Variants in MAML3 observed in about 807,000 individuals in gnomAD.
The protein encoded by MAML3 is mastermind-like protein 3.
In MAML3, 27 loss-of-function variants were observed where a neutral mutation model predicts 101.9. The observed-to-expected ratio is 0.27, with a 90% CI of 0.20 to 0.37. The LOEUF (loss-of-function observed/expected upper bound fraction) is 0.37, where lower values mean the gene tolerates loss of function less well. Ranked by LOEUF, MAML3 falls within the 10% of genes least tolerant of loss-of-function variation. The pLI, the probability that MAML3 is intolerant of heterozygous loss-of-function variation, is 1.00. For synonymous variants in MAML3, 501 were observed against 555.9 expected, an observed-to-expected ratio of 0.90 and a Z score of 1.39; for missense variants, 1,316 against 1,444.9, an observed-to-expected ratio of 0.91 and a Z score of 1.45.
intron 2 of MAML3, among the ~76,000 whole-genome samples, chr4:139,750,341 G>A (rs532310568): frequency 7.2e-5 from 11 of 152,274 alleles, no homozygotes; most frequent in East Asian, 1.9e-4. Context: ...AAAATCAACC[G>A]ATCAGAGGGA....
chr4:140,121,050 T>C (rs181777207), intron 1 of MAML3, among the ~76,000 whole-genome samples: 2 of 152,352 alleles, frequency 1.3e-5, no homozygotes, highest in Admixed American at 1.3e-4. Context: ...TCACTGAAAA[T>C]TCTGCCAGTG....
chr4:140,107,163 G>A (rs573028930), intron 1 of MAML3, among the ~76,000 whole-genome samples: 82 of 152,220 alleles, frequency 5.4e-4, no homozygotes, highest in African/African-American at 1.9e-3. Context: ...GAGCCACTGC[G>A]CCCAGCCAAA....
intron 1 of MAML3, among the ~76,000 whole-genome samples, chr4:139,949,818 T>C (rs930827646): frequency 2.0e-5 from 3 of 152,336 alleles, no homozygotes; most frequent in African/African-American, 4.8e-5. Flanking sequence ...AATACCAATA[T>C]AGATGTTGCT....
At chr4:140,080,002 A>T (rs1727837392) in intron 1 of MAML3, among the ~76,000 whole-genome samples, 1 of 152,200 alleles carries the variant, frequency 6.6e-6, no homozygotes, top group Admixed American at 6.5e-5. Flanking sequence ...AATGCAAGAC[A>T]GGTGTTTGGA....
intron 2 of MAML3, among the ~76,000 whole-genome samples, chr4:139,819,995 C>G (rs1382666459): frequency 6.6e-6 from 1 of 152,192 alleles, no homozygotes; most frequent in Non-Finnish European, 1.5e-5. Context: ...CACTCCAATA[C>G]CCTACCTCTC....
In MAML3 at chr4:139,831,653, C is replaced by T. The variant is rs567473466; in HGVS notation, c.2079+57704G>A. ...ACACACCGGAGCTTAACCTTAGACC[C>T]GAGCATGGGATCGCCTTCTCCTATG... is the stretch of plus-strand genomic sequence containing the variant. On this transcript the variant is annotated intron_variant, in intron 2 of 4. Coordinates refer to ENST00000509479, the MANE Select transcript of MAML3 (RefSeq NM_018717.5). Among the ~76,000 whole-genome samples, 4 of 152,262 alleles carry T rather than the reference C, an allele frequency of 2.6e-5. No individual in the cohort carries two copies. In the East Asian group the frequency reaches 5.8e-4, roughly 22 times the overall value.
intron 2 of MAML3, among the ~76,000 whole-genome samples, chr4:139,828,814 G>T (rs570368062): frequency 6.6e-6 from 1 of 151,696 alleles, no homozygotes; most frequent in Non-Finnish European, 1.5e-5. Flanking sequence ...TCAAGGGTTG[G>T]TTAGGAAGTG....
At chr4:140,086,656 A>C (rs1727957047) in intron 1 of MAML3, among the ~76,000 whole-genome samples, 1 of 152,202 alleles carries the variant, frequency 6.6e-6, no homozygotes, top group Non-Finnish European at 1.5e-5. Context: ...TCTCTCTCAT[A>C]ATATAGAGTA....
chr4:140,142,736 G>A (rs1249830503), intron 1 of MAML3, among the ~76,000 whole-genome samples: 1 of 152,132 alleles, frequency 6.6e-6, no homozygotes, highest in Non-Finnish European at 1.5e-5. Flanking sequence ...CCCTAAATCA[G>A]ACTAAACACC....
At chr4:140,007,082 G>C (rs542744661) in intron 1 of MAML3, among the ~76,000 whole-genome samples, 1 of 152,158 alleles carries the variant, frequency 6.6e-6, no homozygotes, top group South Asian at 2.1e-4. Context: ...GGATGTTGCC[G>C]TATATATTGC....
chr4:139,820,829 T>G (rs924656726), intron 2 of MAML3, among the ~76,000 whole-genome samples: 1 of 152,192 alleles, frequency 6.6e-6, no homozygotes, highest in East Asian at 1.9e-4. Context: ...CTATAGATAA[T>G]GCTAGAGTAA....
intron 2 of MAML3, among the ~76,000 whole-genome samples, chr4:139,746,662 C>G (rs953545229): frequency 6.6e-6 from 1 of 152,256 alleles, no homozygotes. Context: ...AACAAGATTC[C>G]GCAGACGTTT....
At chr4:140,051,488 C>T (rs180793159) in intron 1 of MAML3, among the ~76,000 whole-genome samples, 4 of 150,940 alleles carry the variant, frequency 2.7e-5, no homozygotes, top group African/African-American at 9.8e-5. Flanking sequence ...ATCCAGGAGG[C>T]GGAGGTTGCA....
chr4:139,756,900 C>A (rs945290632), intron 2 of MAML3, among the ~76,000 whole-genome samples: 2 of 152,178 alleles, frequency 1.3e-5, no homozygotes, highest in Non-Finnish European at 2.9e-5. Flanking sequence ...TGCAGGACCT[C>A]ATATGAATGC....
In MAML3 at chr4:139,902,779, T is replaced by A. The variant is rs537104528; in HGVS notation, c.469-11812A>T. Reference sequence around the variant, plus strand: ...CAAGGTACTGTTGTTATAGCAACAGTCAGAGTCATTTACACAGCCTCTTCC... The same window carrying A: ...CAAGGTACTGTTGTTATAGCAACAGACAGAGTCATTTACACAGCCTCTTCC... On this transcript the variant is annotated intron_variant, in intron 1 of 4. Coordinates refer to ENST00000509479, the MANE Select transcript of MAML3 (RefSeq NM_018717.5). Among the ~76,000 whole-genome samples the A allele has an allele frequency of 2.6e-5, 4 of 152,286 alleles. No individual in the cohort carries two copies. In the East Asian group the frequency reaches 7.7e-4, roughly 29 times the overall value.
chr4:140,108,663 T>C (rs1450449347), intron 1 of MAML3, among the ~76,000 whole-genome samples: 2 of 151,400 alleles, frequency 1.3e-5, no homozygotes, highest in Admixed American at 1.3e-4. Context: ...GCATTTAGTG[T>C]ATGTTCAATC....
At chr4:140,120,483 T>C (rs1328202404) in intron 1 of MAML3, among the ~76,000 whole-genome samples, 1 of 152,250 alleles carries the variant, frequency 6.6e-6, no homozygotes, top group Non-Finnish European at 1.5e-5. Context: ...TATTGGTACA[T>C]GAAACTGCAA....
At chr4:139,975,459 A>G (rs76050663) in intron 1 of MAML3, among the ~76,000 whole-genome samples, 2 of 152,032 alleles carry the variant, frequency 1.3e-5, no homozygotes, top group Non-Finnish European at 2.9e-5. Context: ...GCACACACAC[A>G]CACCCCATAT....
intron 1 of MAML3, among the ~76,000 whole-genome samples, chr4:140,127,569 C>T (rs1006243090): frequency 6.6e-6 from 1 of 152,172 alleles, no homozygotes; most frequent in Non-Finnish European, 1.5e-5. Context: ...TAGAGTCATG[C>T]TCTACTTTTT....
Sources: allele counts gnomAD v4.1 joint callset (sites outside exome capture counted in the v4.1 genomes callset), GRCh38; gene constraint gnomAD v4.1.1; transcripts MANE v1.5; gene names NCBI Gene and HGNC (gene_info 2026-07-23, HGNC 2026-07-21).